RNF212: variants seen among roughly 807,000 people sequenced by gnomAD.
RNF212 encodes the protein probable E3 SUMO-protein ligase RNF212.
RNF212 carries 33 observed loss-of-function variants against 34.7 expected under a neutral mutation model. The ratio of observed to expected loss-of-function variants is 0.95; its 90% CI spans 0.72 to 1.27. The LOEUF is 1.27. RNF212 is among the 50% of genes most tolerant of loss of function. The pLI, the probability that RNF212 is intolerant of heterozygous loss-of-function variation, is 0.00. For missense variants in RNF212, 377 were observed against 362.2 expected (o/e 1.04, Z -0.33); for synonymous variants, 140 against 136.1 (o/e 1.03, Z -0.20).
intron 4 of RNF212, among the ~76,000 whole-genome samples, chr4:1,089,164 C>T (rs1385134490): frequency 1.3e-5 from 2 of 152,240 alleles, no homozygotes; most frequent in African/African-American, 4.8e-5. Flanking sequence ...GCACTCAACC[C>T]CAGCCCAGAA....
At chr4:1,069,513 C>T (rs79373704), downstream of RNF212, among the ~76,000 whole-genome samples, 2,283 of 152,066 alleles carry the variant, frequency 0.015, 54 homozygotes, top group African/African-American at 0.051. Flanking sequence ...TGTGGTCAGG[C>T]GACCAAGGTG....
chr4:1,086,311 G>A (rs1206059456), intron 4 of RNF212, among the ~76,000 whole-genome samples: 1 of 151,996 alleles, frequency 6.6e-6, no homozygotes, highest in Non-Finnish European at 1.5e-5. Context: ...CCACGGCACA[G>A]CCTCTGCTGT....
downstream of RNF212, among the ~76,000 whole-genome samples, chr4:1,068,112 C>G (rs976996129): frequency 6.6e-6 from 1 of 152,082 alleles, no homozygotes; most frequent in African/African-American, 2.4e-5. Flanking sequence ...TTGACACTAT[C>G]CTAACATTTA....
intron 8 of RNF212, among the ~76,000 whole-genome samples, chr4:1,078,035 C>T (rs978797756): frequency 6.6e-6 from 1 of 152,138 alleles, no homozygotes; most frequent in Non-Finnish European, 1.5e-5. Flanking sequence ...CCAGTTCTGC[C>T]TTCTTATTCT....
chr4:1,073,291 G>A (rs969041874), intron 9 of RNF212, 98 bp from the exon 10 acceptor site: 14 of 1,474,764 alleles, frequency 9.5e-6, no homozygotes, highest in Non-Finnish European at 1.3e-5. Flanking sequence ...TTTGAAAAGG[G>A]ACCAGCAATT....
chr4:1,069,177 C>T (rs1718280556), downstream of RNF212, among the ~76,000 whole-genome samples: 1 of 150,486 alleles, frequency 6.6e-6, no homozygotes, highest in African/African-American at 2.5e-5. Context: ...CACCACTGCA[C>T]TCCAGCCTGG....
chr4:1,106,286 AC>A (rs1483610969), intron 2 of RNF212, among the ~76,000 whole-genome samples: 1 of 150,674 alleles, frequency 6.6e-6, no homozygotes, highest in Non-Finnish European at 1.5e-5. Context: ...ACACACACAC[AC>A]ACAGTCACTC....
At chr4:1,078,213 C>T (rs1183669820) in intron 8 of RNF212, among the ~76,000 whole-genome samples, 1 of 152,218 alleles carries the variant, frequency 6.6e-6, no homozygotes, top group Non-Finnish European at 1.5e-5. Flanking sequence ...CAATAACTGG[C>T]ACTGTGGAAC....
intron 3 of RNF212, among the ~76,000 whole-genome samples, chr4:1,058,780 G>A (rs1717535806): frequency 6.6e-6 from 1 of 152,222 alleles, no homozygotes; most frequent in Non-Finnish European, 1.5e-5. Flanking sequence ...CTCGGCCCGT[G>A]GGCTCTGCGA....
chr4:1,086,803 A>G (rs1422866012), intron 4 of RNF212, among the ~76,000 whole-genome samples: 1 of 708 alleles, frequency 1.4e-3, no homozygotes, highest in Non-Finnish European at 2.6e-3. Flanking sequence ...GATGGGGTGG[A>G]GGAGAGAGAA....
chr4:1,107,993 A>C lies in RNF212; in HGVS notation c.171+350T>G, dbSNP rs536338567. 9.7e-4 allele frequency among the ~76,000 whole-genome samples: 147 copies of C among 152,192 alleles called. 1 individual carries two copies. The highest frequency in any genetic ancestry group is 1.5e-3 in the Non-Finnish European group (103 of 68,030). On this transcript the variant is annotated intron_variant, in intron 2 of 9. Transcript: ENST00000433731. ...TGCAGCAGTAATTGATTTTAAACTT[A>C]CTTTATGAACAACACTCTTAATTAT...
chr4:1,086,406 A>C (rs1721168213), intron 4 of RNF212, among the ~76,000 whole-genome samples: 1 of 151,624 alleles, frequency 6.6e-6, no homozygotes, highest in African/African-American at 2.4e-5. Context: ...CCAGTCTGTA[A>C]TCATGGCTTA....
At chr4:1,101,270 TG>T in intron 2 of RNF212, 1 of 333,570 alleles carries the variant, frequency 3.0e-6, no homozygotes. Flanking sequence ...TCTGGTCTTT[TG>T]TCCCTTTCAC....
At chr4:1,098,616 C>T (rs940334187) in intron 2 of RNF212, among the ~76,000 whole-genome samples, 7 of 152,206 alleles carry the variant, frequency 4.6e-5, no homozygotes, top group South Asian at 4.1e-4. Flanking sequence ...GTATGTCCAA[C>T]ACCACAGGCA....
intron 2 of RNF212, among the ~76,000 whole-genome samples, chr4:1,102,826 TAG>T (rs1345337907): frequency 2.0e-5 from 3 of 150,888 alleles, no homozygotes; most frequent in Non-Finnish European, 4.4e-5. Context: ...CACTCCAGCC[TAG>T]GCAACAGAGC....
chr4:1,087,791 G>C (rs188409220), intron 4 of RNF212, among the ~76,000 whole-genome samples: 1 of 151,832 alleles, frequency 6.6e-6, no homozygotes, highest in African/African-American at 2.4e-5. Flanking sequence ...GAGTTCTCAC[G>C]AGATCTGATG....
intron 2 of RNF212, among the ~76,000 whole-genome samples, chr4:1,099,018 A>T (rs1723502708): frequency 6.6e-6 from 1 of 152,172 alleles, no homozygotes; most frequent in South Asian, 2.1e-4. Context: ...ACACCCCAGG[A>T]TGTCCAGAAG....
At chr4:1,112,344 C>T (rs893757669) in intron 1 of RNF212, among the ~76,000 whole-genome samples, 8 of 152,296 alleles carry the variant, frequency 5.3e-5, no homozygotes, top group African/African-American at 1.9e-4. Context: ...GGATGGAGGT[C>T]AGCACAGCTG....
At chr4:1,099,693 G>T (rs1425514388) in intron 2 of RNF212, 3 of 456,068 alleles carry the variant, frequency 6.6e-6, no homozygotes, top group African/African-American at 2.0e-5. Flanking sequence ...GTACAGTAAC[G>T]AGGATACATA....
Sources: allele counts gnomAD v4.1 joint callset (sites outside exome capture counted in the v4.1 genomes callset), GRCh38; gene constraint gnomAD v4.1.1; transcripts MANE v1.5; gene names NCBI Gene and HGNC (gene_info 2026-07-23, HGNC 2026-07-21).